The following MTERF3 variants were observed in gnomAD, a reference collection of about 807,000 sequenced individuals.
MTERF3 encodes the protein mitochondrial transcription termination factor 3.
MTERF3 carries 40 observed loss-of-function variants against 40.5 expected under a neutral mutation model. That is an observed-to-expected ratio of 0.99 (90% CI 0.77 to 1.29). MTERF3 has a LOEUF of 1.29. Ranked by LOEUF, MTERF3 falls within the 50% of genes most tolerant of loss-of-function variation. MTERF3 has a pLI of 0.00. For missense variants in MTERF3, 452 were observed against 478.2 expected (o/e 0.95, Z 0.51); for synonymous variants, 158 against 166.6 (o/e 0.95, Z 0.40).
At position 96,256,979 on chromosome 8, in the gene MTERF3, T is replaced by G. The variant is rs764355477; in HGVS notation, c.470A>C (p.Gln157Pro). 2 of 1,608,834 alleles carry G rather than the reference T, an allele frequency of 1.2e-6. No individual in the cohort carries two copies. The highest frequency in any genetic ancestry group is 1.7e-6 in the Non-Finnish European group (2 of 1,178,618). Residue 157 changes from glutamine (Q) to proline (P), a missense_variant, in exon 3 of 8, where the codon CAG becomes CCG. Physicochemically the swap from Gln to Pro is moderately conservative, Grantham distance 76. Coordinates refer to ENST00000287025, the MANE Select transcript of MTERF3 (RefSeq NM_015942.5). ...RDYVDHSETL[Q>P]KLVLLGVDLS... Reference sequence around the variant, plus strand: ...AAACTTACCTAGAAGAACCAACTTCTGCAGAGTCTCAGAATGATCCACATA... The same window carrying G: ...AAACTTACCTAGAAGAACCAACTTCGGCAGAGTCTCAGAATGATCCACATA...
chr8:96,253,328 G>A (rs1810220051), intron 3 of MTERF3, among the ~76,000 whole-genome samples: 2 of 152,180 alleles, frequency 1.3e-5, no homozygotes, highest in South Asian at 4.1e-4. Context: ...CTGCTCAAGA[G>A]TGCTGTTGTC....
At chr8:96,256,573 A>C (rs1810283351) in intron 3 of MTERF3, among the ~76,000 whole-genome samples, 1 of 152,006 alleles carries the variant, frequency 6.6e-6, no homozygotes. Context: ...GTCATAATTT[A>C]ACTACTGACT....
chr8:96,241,613 C>T (rs1446791913), intron 7 of MTERF3, among the ~76,000 whole-genome samples: 1 of 152,184 alleles, frequency 6.6e-6, no homozygotes, highest in Non-Finnish European at 1.5e-5. Flanking sequence ...GTTGTGTACT[C>T]TTTCAAGTCC....
chr8:96,242,898 C>T (rs1433213795), intron 7 of MTERF3, among the ~76,000 whole-genome samples: 1 of 152,152 alleles, frequency 6.6e-6, no homozygotes, highest in Non-Finnish European at 1.5e-5. Flanking sequence ...AAATGAATTA[C>T]CCACCAACCC....
At chr8:96,239,911 TATACTGTGTGCA>T in intron 7 of MTERF3, 1 of 680,920 alleles carries the variant, frequency 1.5e-6, no homozygotes, top group East Asian at 2.7e-5. Context: ...AATTCAGGGC[TATACTGTGTGCA>T]AAGAAGATTG....
intron 4 of MTERF3, among the ~76,000 whole-genome samples, chr8:96,249,038 A>C (rs1265884275): frequency 6.6e-6 from 1 of 152,224 alleles, no homozygotes; most frequent in Non-Finnish European, 1.5e-5. Flanking sequence ...GAATCAATGG[A>C]CTATGCTACC....
chr8:96,257,660 G>GT (rs1810305732), intron 2 of MTERF3, among the ~76,000 whole-genome samples: 1 of 151,998 alleles, frequency 6.6e-6, no homozygotes, highest in South Asian at 2.1e-4. Flanking sequence ...AGTTGTTTTT[G>GT]TTTTTTTAAA....
chr8:96,246,292 T>C lies in MTERF3; in HGVS notation c.825+15A>G, dbSNP rs754630566. The C allele has an allele frequency of 3.2e-6, 5 of 1,582,320 alleles. No individual in the cohort carries two copies. The highest frequency in any genetic ancestry group is 3.4e-6 in the Non-Finnish European group (4 of 1,170,308). ...ACCTGACATGGAAATAAACAAATTC[T>C]CTCCTTTTCTTTACCTTCTTCACAC... is the stretch of plus-strand genomic sequence containing the variant. On this transcript the variant is annotated intron_variant, in intron 5 of 7. Transcript: ENST00000287025.
At chr8:96,244,784 G>C (rs1381164973) in intron 6 of MTERF3, among the ~76,000 whole-genome samples, 3 of 152,080 alleles carry the variant, frequency 2.0e-5, no homozygotes, top group Non-Finnish European at 4.4e-5. Context: ...CCGGCTCCTG[G>C]GGTCACCAGA....
In MTERF3 at chr8:96,250,943, C is replaced by T. The variant is rs770839197; in HGVS notation, c.640G>A (p.Ala214Thr). 3.1e-6 allele frequency: 5 copies of T among 1,609,144 alleles called. No individual in the cohort carries two copies. The Admixed American group carries it at 6.8e-5, about 22-fold the overall frequency. The change falls in exon 4 of 8, where the codon GCA (alanine) becomes ACA (threonine). Residue 214 changes from alanine (A) to threonine (T), a missense_variant. By Grantham distance (58) the Ala-to-Thr change is moderately conservative (BLOSUM62 0). Transcript: ENST00000287025. ...QLGAFLTKNH[A>T]IFSEDLENLK... Reference sequence around the variant, plus strand: ...TTTTCAAGGTCTTCAGAGAAAATTGCATGATTTTTTGTCAGGAATGCTCCC... The same window carrying T: ...TTTTCAAGGTCTTCAGAGAAAATTGTATGATTTTTTGTCAGGAATGCTCCC...
chr8:96,250,350 AAAAC>A (rs1586167475), intron 4 of MTERF3, among the ~76,000 whole-genome samples: 1 of 150,722 alleles, frequency 6.6e-6, no homozygotes, highest in East Asian at 2.0e-4. Flanking sequence ...TTTTAAGAAA[AAAAC>A]GTATTCCAGT....
intron 6 of MTERF3, 44 bp from the exon 7 acceptor site, chr8:96,244,124 T>C (rs778744698): frequency 1.3e-6 from 2 of 1,543,520 alleles, no homozygotes; most frequent in South Asian, 2.3e-5. Flanking sequence ...GTAGAAATAG[T>C]TATTTTGGTA....
At chr8:96,249,980 A>T (rs990133116) in intron 4 of MTERF3, among the ~76,000 whole-genome samples, 8 of 152,124 alleles carry the variant, frequency 5.3e-5, no homozygotes, top group Non-Finnish European at 8.8e-5. Flanking sequence ...GATGAATTCA[A>T]CATGTTAACT....
chr8:96,246,507 T>C, intron 4 of MTERF3, 53 bp from the exon 5 acceptor site: 5 of 1,475,990 alleles, frequency 3.4e-6, no homozygotes, highest in Non-Finnish European at 3.6e-6. Context: ...TTCTTTTTTT[T>C]TGAGATGGAG....
At chr8:96,250,631 A>T (rs868736661) in intron 4 of MTERF3, among the ~76,000 whole-genome samples, 2 of 22,476 alleles carry the variant, frequency 8.9e-5, no homozygotes, top group Non-Finnish European at 2.0e-4. Flanking sequence ...AAGAAGAAGA[A>T]GAAGAAGAAG....
chr8:96,260,429 C>T (rs1388552220), intron 1 of MTERF3, among the ~76,000 whole-genome samples: 1 of 136,320 alleles, frequency 7.3e-6, no homozygotes, highest in Non-Finnish European at 1.5e-5. Flanking sequence ...CTAACAAAAG[C>T]AGCAGTCTAG....
rs144829722 is a variant in MTERF3, at chr8:96,258,508, G to A, written c.183C>T (p.Tyr61=). The A allele has an allele frequency of 5.6e-5, 90 of 1,614,046 alleles. No individual in the cohort carries two copies. The highest frequency in any genetic ancestry group is 7.3e-5 in the Non-Finnish European group (86 of 1,180,016). ...NCFLQWGFKT[Y]RTSSLWNSSQ... ...AACTATTCCATAAGGAGGAAGTCCT[G>A]TAAGTCTTAAATCCCCACTGGAGAA... is the stretch of plus-strand genomic sequence containing the variant. The change falls in exon 2 of 8, where the codon TAC becomes TAT. Residue 61 remains tyrosine (Y), a synonymous_variant. Coordinates refer to ENST00000287025, the MANE Select transcript of MTERF3 (RefSeq NM_015942.5).
At chr8:96,253,508 C>A (rs970937246) in intron 3 of MTERF3, among the ~76,000 whole-genome samples, 1 of 152,016 alleles carries the variant, frequency 6.6e-6, no homozygotes, top group Non-Finnish European at 1.5e-5. Flanking sequence ...GGATACAGAT[C>A]GGGCAGAAAA....
chr8:96,253,085 G>A (rs114989641), intron 3 of MTERF3, among the ~76,000 whole-genome samples: 1,812 of 152,204 alleles, frequency 0.012, 41 homozygotes, highest in African/African-American at 0.041. Flanking sequence ...CAGTAATTAC[G>A]AATATTACCA....
Sources: allele counts gnomAD v4.1 joint callset (sites outside exome capture counted in the v4.1 genomes callset), GRCh38; gene constraint gnomAD v4.1.1; transcripts MANE v1.5; gene names NCBI Gene and HGNC (gene_info 2026-07-23, HGNC 2026-07-21).